Variants in PDHB observed in about 807,000 individuals in gnomAD.
PDHB encodes the protein pyruvate dehydrogenase E1 subunit beta.
Under a neutral mutation model 42.8 loss-of-function variants are expected in PDHB, and 17 were observed. The observed-to-expected ratio is 0.40, with a 90% CI of 0.27 to 0.60. The LOEUF (loss-of-function observed/expected upper bound fraction) is 0.60. Among genes scored for constraint, PDHB ranks in the 20% least tolerant of loss-of-function variants. The probability of loss-of-function intolerance (pLI) is 0.46; values close to 1 mark genes in which losing one functional copy is unlikely to be tolerated. For synonymous variants in PDHB, 154 were observed against 148.7 expected, an observed-to-expected ratio of 1.04 and a Z score of -0.26; for missense variants, 322 against 451.3, an observed-to-expected ratio of 0.71 and a Z score of 2.60.
rs569429778 is a variant in PDHB, at chr3:58,430,769, T to G, written c.477A>C (p.Ser159=). The G allele has an allele frequency of 1.4e-5, 22 of 1,613,922 alleles. No homozygotes were observed. The African/African-American group carries it at 1.9e-4, about 14-fold the overall frequency. ...GCCCATACCAGGCAGCAAAGCACTGTGAGTGCTGGGCAGCTACACCTGCTG... is the reference window on the plus strand; with the variant it reads ...GCCCATACCAGGCAGCAAAGCACTGGGAGTGCTGGGCAGCTACACCTGCTG... ...GASAGVAAQH[S]QCFAAWYGHC... Residue 159 remains serine, a synonymous_variant, in exon 6 of 10, where the codon TCA becomes TCC. Transcript: ENST00000302746.
chr3:58,433,101 GAC>G, intron 2 of PDHB: 1 of 177,030 alleles, frequency 5.6e-6, no homozygotes, highest in Non-Finnish European at 1.2e-5. Context: ...AGATAAGCCA[GAC>G]ACAAAAGGAC....
In PDHB at chr3:58,427,980, C is replaced by G; in HGVS notation, c.*54G>C. 2 of 1,302,632 alleles carry G rather than the reference C, an allele frequency of 1.5e-6. No individual in the cohort carries two copies. Among genetic ancestry groups the G allele is most frequent in the Middle Eastern group, 1.9e-4 (1 of 5,296 alleles). The allele number at this position is 1,302,632 out of a possible 1,614,324, so 80.7% of individuals were successfully genotyped here. A position where few individuals can be genotyped will look rare whatever the true frequency, so the allele number is the denominator to read the frequency against. ...AGGTCTTGCAGTACAAATCCAGGTG[C>G]AGTGCCAGCAAGTATTTCAAATAAA... On this transcript the variant is annotated 3_prime_UTR_variant, in exon 10 of 10. Transcript: ENST00000302746.
At position 58,427,698 on chromosome 3, in the gene PDHB, T is replaced by A; in HGVS notation, c.*336A>T. 7.0e-6 allele frequency: 3 copies of A among 428,256 alleles called. No homozygotes were observed. The highest frequency in any genetic ancestry group is 1.4e-5 in the Non-Finnish European group (3 of 216,918). The allele number at this position is 428,256 out of a possible 1,614,324, so 26.5% of individuals were successfully genotyped here. ...GTAAATGTATATTATATGCTTTAAT[T>A]TTATACATATAAGTTATCTTGTTTG... On this transcript the variant is annotated 3_prime_UTR_variant, in exon 10 of 10. Coordinates refer to ENST00000302746, the MANE Select transcript of PDHB (RefSeq NM_000925.4).
At chr3:58,433,583 AG>A (rs1484031320) in intron 2 of PDHB, 47 bp downstream of exon 2, 2 of 1,572,326 alleles carry the variant, frequency 1.3e-6, no homozygotes, top group Non-Finnish European at 1.7e-6. Context: ...TCCCGAGAGA[AG>A]GGGGGACCCT....
Position 58,431,412 on chromosome 3 carries a change from A to C in PDHB, c.303+181T>G, listed in dbSNP as rs1287004672. On this transcript the variant is annotated intron_variant, in intron 5 of 9. Transcript: ENST00000302746. This position sits in a 1 kb window ranked among gnomAD's most constrained non-coding sequence, Gnocchi z 4.4. ...AAAAACACAAAAATTGGCTAGGCAC[A>C]GTGGCGCGACCTGTAACCCCAGCCA... 5 of 616,416 alleles carry C rather than the reference A, an allele frequency of 8.1e-6. No homozygotes were observed. The highest frequency in any genetic ancestry group is 7.6e-5 in the South Asian group (4 of 52,806). The allele number at this position is 616,416 out of a possible 1,614,324, so 38.2% of individuals were successfully genotyped here.
chr3:58,429,370 G>A (rs2062901099), intron 8 of PDHB, among the ~76,000 whole-genome samples: 1 of 151,922 alleles, frequency 6.6e-6, no homozygotes, highest in Admixed American at 6.6e-5. Context: ...GGGCCCAGGA[G>A]TTCACGGTTA....
At position 58,430,159 on chromosome 3, in the gene PDHB, A is replaced by G. The variant is rs573987651; in HGVS notation, c.669T>C (p.Ile223=). ...TTTCTATTTTGGCTTTTCCAATAGGAATCAGAAAATCTTTTGACTGAGCTT... is the reference window on the plus strand; with the variant it reads ...TTTCTATTTTGGCTTTTCCAATAGGGATCAGAAAATCTTTTGACTGAGCTT... ...PPEAQSKDFL[I]PIGKAKIERQ... The change falls in exon 7 of 10, where the codon ATT becomes ATC. Residue 223 remains isoleucine, a synonymous_variant. Coordinates refer to ENST00000302746, the MANE Select transcript of PDHB (RefSeq NM_000925.4). 4.4e-5 allele frequency: 71 copies of G among 1,610,784 alleles called. 1 individual carries two copies. The South Asian group carries it at 7.4e-4, about 17-fold the overall frequency.
At position 58,430,918 on chromosome 3, in the gene PDHB, A is replaced by T; in HGVS notation, c.328T>A (p.Phe110Ile). 1 of 1,614,246 alleles carries T rather than the reference A, an allele frequency of 6.2e-7. No homozygotes were observed. The highest frequency in any genetic ancestry group is 8.5e-7 in the Non-Finnish European group (1 of 1,180,054). ...TGCATGGAGAAATTGAAGGTCATAA[A>T]TTCACAAATGGGCCGCAACCCAGCC... is the stretch of plus-strand genomic sequence containing the variant. ...AMAGLRPICE[F>I]MTFNFSMQAI... Residue 110 changes from phenylalanine (F) to isoleucine (I), a missense_variant, in exon 6 of 10, where the codon TTT (phenylalanine) becomes ATT (isoleucine). By Grantham distance (21) the Phe-to-Ile change is conservative. This residue lies in a region of PDHB where 56 missense variants were observed against 124.2 expected (regional missense o/e 0.45). Transcript: ENST00000302746.
intron 6 of PDHB, 40 bp from the exon 7 acceptor site, chr3:58,430,278 A>C (rs1185617134): frequency 7.7e-7 from 1 of 1,292,906 alleles, no homozygotes; most frequent in Non-Finnish European, 1.1e-6. Context: ...AATTAATCAC[A>C]TCCAGAATGA....
Position 58,433,626 on chromosome 3 carries a change from G to A in PDHB, c.96+5C>T. On this transcript the variant is annotated splice_donor_5th_base_variant and intron_variant, in intron 2 of 9. Transcript: ENST00000302746. ...CCTCGTCCGACGAGCACCCGCGCCT[G>A]TTACCTGCAGCGCAGCCGGCGCGGT... 6.2e-7 allele frequency: 1 copy of A among 1,609,638 alleles called. No individual in the cohort carries two copies. Among genetic ancestry groups the A allele is most frequent in the Non-Finnish European group, 8.5e-7 (1 of 1,178,748 alleles).
At chr3:58,428,304 T>C in intron 9 of PDHB, 125 bp from the exon 10 acceptor site, 1 of 1,220,172 alleles carries the variant, frequency 8.2e-7, no homozygotes, top group Non-Finnish European at 1.2e-6. Context: ...AACCGCTTTC[T>C]GGATTTGCTT....
At chr3:58,430,511 T>C in intron 6 of PDHB, 146 bp downstream of exon 6, 1 of 774,952 alleles carries the variant, frequency 1.3e-6, no homozygotes, top group Non-Finnish European at 2.1e-6. Flanking sequence ...AGCAAGCACA[T>C]TCTTTACTAT....
Position 58,433,775 on chromosome 3 carries a change from A to C in PDHB, c.35T>G (p.Leu12Arg). ...CCGCGCGCTGCTGCCTACCTCCCGA[A>C]GGGGTCTCCGCACCAAGCCAGACAC... ...AAVSGLVRRP[L>R]REVSGLLKRR... The change falls in exon 1 of 10, where the codon CTT becomes CGT. Residue 12 changes from leucine to arginine, a missense_variant. By Grantham distance (102) the Leu-to-Arg change is moderately radical. This residue lies in a region of PDHB where 58 missense variants were observed against 42.1 expected (regional missense o/e 1.38). Coordinates refer to ENST00000302746, the MANE Select transcript of PDHB (RefSeq NM_000925.4). The C allele has an allele frequency of 6.2e-7, 1 of 1,612,428 alleles. No individual in the cohort carries two copies. The highest frequency in any genetic ancestry group is 8.5e-7 in the Non-Finnish European group (1 of 1,179,644).
Position 58,431,518 on chromosome 3 carries a change from G to A in PDHB, c.303+75C>T, listed in dbSNP as rs1447087147. 7.6e-6 allele frequency: 9 copies of A among 1,178,492 alleles called. No homozygotes were observed. Among genetic ancestry groups the A allele is most frequent in the African/African-American group, 1.5e-5 (1 of 66,168 alleles). The allele number at this position is 1,178,492 out of a possible 1,614,324, so 73.0% of individuals were successfully genotyped here. A position where few individuals can be genotyped will look rare whatever the true frequency, so the allele number is the denominator to read the frequency against. On this transcript the variant is annotated intron_variant, in intron 5 of 9. Transcript: ENST00000302746. The surrounding 1 kb of genome is among the most constrained non-coding windows in gnomAD (Gnocchi z 4.4). ...TGCACTCCAGGCTGGACAACAGAGT[G>A]AGACTCTGTCTCAAAAGAAAAAAAA...
In PDHB at chr3:58,428,083, G is replaced by A; in HGVS notation, c.1031C>T (p.Pro344Leu). ...TGCAAATATGATGTCTTTGACCTGA[G>A]GTATAGAGTTGTCCTCTAGAATCTT... is the stretch of plus-strand genomic sequence containing the variant. ...YAKILEDNSI[P>L]QVKDIIFAIK... Residue 344 changes from proline (P) to leucine (L), a missense_variant, in exon 10 of 10, where the codon CCT (proline) becomes CTT (leucine). Around this residue, in one of 3 missense-constraint regions of PDHB, gnomAD observed 208 missense variants for 285.0 expected, o/e 0.73. Transcript: ENST00000302746. 1 of 1,609,054 alleles carries A rather than the reference G, an allele frequency of 6.2e-7. No homozygotes were observed.
intron 2 of PDHB, 178 bp downstream of exon 2, chr3:58,433,453 C>T (rs964905680): frequency 1.9e-5 from 13 of 670,842 alleles, no homozygotes; most frequent in Admixed American, 7.1e-5. Context: ...GGTGACTCGC[C>T]GGTGTGCTAA....
chr3:58,428,264 G>C, intron 9 of PDHB, 85 bp from the exon 10 acceptor site: 1 of 1,361,964 alleles, frequency 7.3e-7, no homozygotes, highest in South Asian at 1.2e-5. Context: ...TGACCAGGAA[G>C]AGAAAATGTA....
Position 58,431,398 on chromosome 3 carries a change from A to G in PDHB, c.303+195T>C. On this transcript the variant is annotated intron_variant, in intron 5 of 9. Coordinates refer to ENST00000302746, the MANE Select transcript of PDHB (RefSeq NM_000925.4). The surrounding 1 kb of genome is among the most constrained non-coding windows in gnomAD (Gnocchi z 4.4). ...ACCCCATCTCTACTAAAAACACAAAAATTGGCTAGGCACAGTGGCGCGACC... is the reference window on the plus strand; with the variant it reads ...ACCCCATCTCTACTAAAAACACAAAGATTGGCTAGGCACAGTGGCGCGACC... 1 of 582,060 alleles carries G rather than the reference A, an allele frequency of 1.7e-6. No individual in the cohort carries two copies. Among genetic ancestry groups the G allele is most frequent in the Non-Finnish European group, 3.1e-6 (1 of 325,816 alleles). The allele number at this position is 582,060 out of a possible 1,614,324, so 36.1% of individuals were successfully genotyped here. A position where few individuals can be genotyped will look rare whatever the true frequency, so the allele number is the denominator to read the frequency against.
rs149830613 is a variant in PDHB at position 58,428,085 on chromosome 3, T to C, written c.1029A>G (p.Ile343Met). 7.6e-5 allele frequency: 122 copies of C among 1,610,208 alleles called. No individual in the cohort carries two copies. In the African/African-American group the frequency reaches 1.4e-3, roughly 19 times the overall value. The change falls in exon 10 of 10, where the codon ATA becomes ATG. Residue 343 changes from isoleucine (I) to methionine (M), a missense_variant. Transcript: ENST00000302746. ...PYAKILEDNSIPQVKDIIFAI... is the reference protein window; with the variant it reads ...PYAKILEDNSMPQVKDIIFAI... ...CAAATATGATGTCTTTGACCTGAGG[T>C]ATAGAGTTGTCCTCTAGAATCTTTG...
Sources: gnomAD v4.1 joint callset for allele counts (sites outside exome capture counted in the v4.1 genomes callset) on GRCh38, gnomAD v4.1.1 for gene constraint, gnomAD v4.1.1 regional missense constraint, Gnocchi (gnomAD v3.1) non-coding constraint, MANE v1.5 for transcripts, NCBI Gene and HGNC (gene_info 2026-07-23, HGNC 2026-07-21) for gene names.